The following COL6A3 variants were observed in gnomAD, a reference collection of about 807,000 sequenced individuals.
The protein encoded by COL6A3 is collagen type VI alpha 3 chain.
In COL6A3, 137 loss-of-function variants were observed where a neutral mutation model predicts 274.1. The ratio of observed to expected loss-of-function variants is 0.50; its 90% confidence interval spans 0.44 to 0.58. The LOEUF is 0.58. Among genes scored for constraint, COL6A3 ranks in the 20% least tolerant of loss-of-function variants. The pLI is 0.00. For missense variants in COL6A3, 3,950 were observed against 4,124.9 expected (o/e 0.96, Z 1.16); for synonymous variants, 1,650 against 1,650.6 (o/e 1.00, Z 0.01).
At chr2:237,353,627 C>A (rs1481816618) in intron 24 of COL6A3, among the ~76,000 whole-genome samples, 1 of 152,198 alleles carries the variant, frequency 6.6e-6, no homozygotes, top group Admixed American at 6.5e-5. Context: ...TCTTGCCTCA[C>A]CTCTCCTCGG....
Position 237,378,824 on chromosome 2 carries a change from C to T in COL6A3, c.2309G>A (p.Gly770Asp). 3 of 1,614,206 alleles carry T rather than the reference C, an allele frequency of 1.9e-6. No homozygotes were observed. The highest frequency in any genetic ancestry group is 1.1e-5 in the South Asian group (1 of 91,082). ...LQAANALTRA[G>D]ILTFCVGASQ... is the part of the protein sequence containing the mutation. ...AGCTCCCACACAAAAAGTCAGGATG[C>T]CCGCGCGTGTCAAGGCGTTGGCAGC... The change falls in exon 6 of 44, where the codon GGC becomes GAC. Residue 770 changes from glycine (G) to aspartate (D), a missense_variant. Physicochemically the swap from Gly to Asp is moderately conservative, Grantham distance 94. Around this residue, in one of 5 missense-constraint regions of COL6A3, gnomAD observed 1,934 missense variants for 1,984.3 expected, o/e 0.97. Transcript: ENST00000295550.
intron 6 of COL6A3, among the ~76,000 whole-genome samples, chr2:237,377,695 G>A (rs2077885783): frequency 6.6e-6 from 1 of 151,952 alleles, no homozygotes. Flanking sequence ...TAAAAGTATT[G>A]AAAACATGGC....
chr2:237,377,545 T>G (rs2077882066), intron 6 of COL6A3, among the ~76,000 whole-genome samples: 2 of 152,188 alleles, frequency 1.3e-5, no homozygotes, highest in Non-Finnish European at 2.9e-5. Context: ...TTTGCAAAGC[T>G]AGTAACTAGA....
At chr2:237,358,188 T>C (rs2077359662) in intron 21 of COL6A3, among the ~76,000 whole-genome samples, 1 of 152,244 alleles carries the variant, frequency 6.6e-6, no homozygotes, top group Non-Finnish European at 1.5e-5. Context: ...GGCTAGCTTG[T>C]ACTGCTCATT....
Position 237,366,814 on chromosome 2 carries a change from G to T in COL6A3, c.5373C>A (p.Ser1791=). 6.2e-7 allele frequency: 1 copy of T among 1,614,198 alleles called. No homozygotes were observed. The highest frequency in any genetic ancestry group is 8.5e-7 in the Non-Finnish European group (1 of 1,180,040). The part of the protein sequence containing the change: ...IDSEEVGKIA[S]NSATAFRVGN... ...CCACGCGGAACGCTGTGGCGCTGTT[G>T]GACGCTATCTTTCCAACCTCCTCCG... The change falls in exon 11 of 44, where the codon TCC becomes TCA. Residue 1791 remains serine (S), a synonymous_variant. Coordinates refer to ENST00000295550, the MANE Select transcript of COL6A3 (RefSeq NM_004369.4).
intron 1 of COL6A3, among the ~76,000 whole-genome samples, chr2:237,401,256 T>C (rs571809162): frequency 6.6e-6 from 1 of 152,312 alleles, no homozygotes; most frequent in African/African-American, 2.4e-5. Context: ...CCAAAAGAAG[T>C]GAAAACAGGA....
chr2:237,382,165 C>T (rs977372796), intron 4 of COL6A3, among the ~76,000 whole-genome samples: 1 of 152,140 alleles, frequency 6.6e-6, no homozygotes, highest in Non-Finnish European at 1.5e-5. Context: ...GGTGGATCAT[C>T]TGAGTTCAGG....
intron 23 of COL6A3, chr2:237,357,049 T>G: frequency 5.9e-6 from 3 of 508,790 alleles, no homozygotes; most frequent in East Asian, 3.4e-5. Context: ...GTCTCTTAAA[T>G]ATTTAGTTGG....
In COL6A3 at chr2:237,378,565, G is replaced by C; in HGVS notation, c.2497+71C>G. The C allele has an allele frequency of 3.7e-6, 6 of 1,609,494 alleles. No individual in the cohort carries two copies. The South Asian group carries it at 6.6e-5, about 18-fold the overall frequency. ...ACAGTCCACAGTGCTCTTGAGTTCA[G>C]ACTGGCAAACTACCCTCCAGGGTGG... On this transcript the variant is annotated intron_variant, in intron 6 of 43. Coordinates refer to ENST00000295550, the MANE Select transcript of COL6A3 (RefSeq NM_004369.4).
At position 237,339,050 on chromosome 2, in the gene COL6A3, G is replaced by T; in HGVS notation, c.8532C>A (p.Pro2844=). The T allele has an allele frequency of 6.2e-7, 1 of 1,614,030 alleles. No homozygotes were observed. Among genetic ancestry groups the T allele is most frequent in the Non-Finnish European group, 8.5e-7 (1 of 1,179,960 alleles). ...GACCAAACTTCACAAGGTTCTTTGT[G>T]GGTTGGTCCCCTTGGAACCAATCAC... ...KQCDWFQGDQ[P]TKNLVKFGHK... is the part of the protein sequence containing the mutation. Residue 2844 remains proline (P), a synonymous_variant, in exon 39 of 44, where the codon CCC becomes CCA. Coordinates refer to ENST00000295550, the MANE Select transcript of COL6A3 (RefSeq NM_004369.4).
chr2:237,409,272 C>G (rs2078794975), intron 1 of COL6A3, among the ~76,000 whole-genome samples: 2 of 151,962 alleles, frequency 1.3e-5, no homozygotes. Context: ...TTAATATTCC[C>G]CAAGAATGTA....
chr2:237,396,580 A>G (rs2078446332), intron 2 of COL6A3, 147 bp downstream of exon 2: 2 of 798,680 alleles, frequency 2.5e-6, no homozygotes, highest in African/African-American at 3.4e-5. Context: ...TATAAATCCT[A>G]GAACTATCCT....
At chr2:237,325,277 T>C (rs181304202) in intron 43 of COL6A3, among the ~76,000 whole-genome samples, 2 of 152,224 alleles carry the variant, frequency 1.3e-5, no homozygotes, top group Non-Finnish European at 2.9e-5. Flanking sequence ...GTTCATTATA[T>C]TATCTTCCCA....
At chr2:237,326,702 C>G (rs1176023433) in intron 42 of COL6A3, 1 of 152,224 alleles carries the variant, frequency 6.6e-6, no homozygotes, top group Non-Finnish European at 1.5e-5. Flanking sequence ...AATTATCCAG[C>G]TCTCCCCTAC....
intron 3 of COL6A3, among the ~76,000 whole-genome samples, chr2:237,388,663 C>T (rs1304907190): frequency 6.6e-6 from 1 of 152,118 alleles, no homozygotes; most frequent in Non-Finnish European, 1.5e-5. Flanking sequence ...TATACAAATC[C>T]ACAGCTACAA....
At chr2:237,406,672 G>C (rs986607139) in intron 1 of COL6A3, among the ~76,000 whole-genome samples, 14 of 151,182 alleles carry the variant, frequency 9.3e-5, no homozygotes, top group African/African-American at 2.9e-4. Context: ...TCCTGGGAAA[G>C]GAGTCCCCGT....
At chr2:237,346,967 C>A (rs1214695954) in intron 31 of COL6A3, among the ~76,000 whole-genome samples, 1 of 151,538 alleles carries the variant, frequency 6.6e-6, no homozygotes, top group Non-Finnish European at 1.5e-5. Context: ...GTTTGACTGT[C>A]TTCACTGATC....
In COL6A3 at chr2:237,340,646, C is replaced by G. The variant is rs746608405; in HGVS notation, c.8270G>C (p.Arg2757Thr). 2.7e-5 allele frequency: 43 copies of G among 1,614,124 alleles called. No homozygotes were observed. The highest frequency in any genetic ancestry group is 3.6e-5 in the Non-Finnish European group (42 of 1,180,044). ...VPEQQLEEAQ[R>T]VILQAKCKGY... The stretch of plus-strand genomic sequence containing the variant: ...CTTGCATTTGGCCTGCAGGATGACT[C>G]TCTGGGCCTCCTCCAGCTGCTGCTC... The change falls in exon 38 of 44, where the codon AGA (arginine) becomes ACA (threonine). Residue 2757 changes from arginine to threonine, a missense_variant. Coordinates refer to ENST00000295550, the MANE Select transcript of COL6A3 (RefSeq NM_004369.4).
Position 237,336,460 on chromosome 2 carries a change from C to T in COL6A3, c.8640G>A (p.Thr2880=), listed in dbSNP as rs746309230. The change falls in exon 40 of 44, where the codon ACG becomes ACA. Residue 2880 remains threonine (T), a synonymous_variant. Coordinates refer to ENST00000295550, the MANE Select transcript of COL6A3 (RefSeq NM_004369.4). ...PVTTTKPVTT[T]KPVTTTTKPV... Reference sequence around the variant, plus strand: ...GCTTTGTTGTGGTGGTCACCGGCTTCGTCGTAGTCACCGGCTTCGTTGTCG... The same window carrying T: ...GCTTTGTTGTGGTGGTCACCGGCTTTGTCGTAGTCACCGGCTTCGTTGTCG... 30 of 1,613,966 alleles carry T rather than the reference C, an allele frequency of 1.9e-5. No homozygotes were observed. The highest frequency in any genetic ancestry group is 2.3e-5 in the Non-Finnish European group (27 of 1,180,028).
Sources: gnomAD v4.1 joint callset for allele counts (sites outside exome capture counted in the v4.1 genomes callset) on GRCh38, gnomAD v4.1.1 for gene constraint, gnomAD v4.1.1 regional missense constraint, MANE v1.5 for transcripts, NCBI Gene and HGNC (gene_info 2026-07-23, HGNC 2026-07-21) for gene names.